CELF2: variants seen among roughly 807,000 people sequenced by gnomAD.
CELF2 encodes CUGBP Elav-like family member 2, also known as CUG triplet repeat RNA-binding protein 2.
In CELF2, 8 loss-of-function variants were observed where a neutral mutation model predicts 62.6. The observed-to-expected ratio is 0.13, with a 90% confidence interval of 0.07 to 0.23. The LOEUF (loss-of-function observed/expected upper bound fraction) is 0.23, where lower values mean the gene tolerates loss of function less well. CELF2 is among the 10% of genes least tolerant of loss of function. The pLI is 1.00. For synonymous variants in CELF2, 258 were observed against 250.0 expected, an observed-to-expected ratio of 1.03 and a Z score of -0.30; for missense variants, 333 against 671.0, an observed-to-expected ratio of 0.50 and a Z score of 5.56.
intron 8 of CELF2, among the ~76,000 whole-genome samples, chr10:11,283,902 GACTGTGTGGTAGGTGGATGATGGA>G (rs1565756988): frequency 4.1e-3 from 606 of 146,910 alleles, no homozygotes; most frequent in Admixed American, 4.7e-3. Context: ...GATGATGGAT[GACTGTGTGGTAGGTGGATGATGGA>G]TGAGTGTGTG....
chr10:10,565,663 T>G, the CELF2 span, among the ~76,000 whole-genome samples: 1 of 152,232 alleles, frequency 6.6e-6, no homozygotes, highest in East Asian at 1.9e-4. Context: ...AGACTTTGTG[T>G]GTGTTCCTTA....
intron 2 of CELF2, among the ~76,000 whole-genome samples, chr10:10,985,878 T>C (rs1441215535): frequency 1.3e-5 from 2 of 152,212 alleles, no homozygotes; most frequent in East Asian, 3.8e-4. Flanking sequence ...TGACAGGCAT[T>C]GGAGTCACCC....
At chr10:10,908,213 G>GGTTTTTTT (rs1564802363) in intron 1 of CELF2, among the ~76,000 whole-genome samples, 3 of 26,536 alleles carry the variant, frequency 1.1e-4, no homozygotes, top group Non-Finnish European at 2.0e-4. Context: ...TGTATGAGGG[G>GGTTTTTTT]ATTTTTTTTT....
At chr10:10,565,508 C>CCTAAGCAGATGTGTTGGA in the CELF2 span, among the ~76,000 whole-genome samples, 1 of 152,140 alleles carries the variant, frequency 6.6e-6, no homozygotes, top group Non-Finnish European at 1.5e-5. Context: ...TCTGTCTAGC[C>CCTAAGCAGATGTGTTGGA]CTAAGCAGAT....
chr10:11,319,784 C>G lies in CELF2; in HGVS notation c.1097-1405C>G, dbSNP rs61101858. 2.1e-6 allele frequency: 1 copy of G among 471,018 alleles called. No individual in the cohort carries two copies. The highest frequency in any genetic ancestry group is 2.3e-5 in the Admixed American group (1 of 42,576). 29.2% of individuals were successfully genotyped at this position (471,018 alleles called of 1,614,324 possible). On this transcript the variant is annotated intron_variant, in intron 10 of 12. Coordinates refer to ENST00000633077, the MANE Select transcript of CELF2 (RefSeq NM_001326342.2). The surrounding 1 kb of genome is among the most constrained non-coding windows in gnomAD (Gnocchi z 4.4). ...TCCACTGTTAAGCTATAGCCTAATT[C>G]ATATCTTACATGTGTCCTTTTAATT...
intron 1 of CELF2, among the ~76,000 whole-genome samples, chr10:10,873,419 G>A (rs12266442): frequency 0.032 from 4,874 of 152,252 alleles, 148 homozygotes; most frequent in African/African-American, 0.073. Context: ...TTAATTGGTT[G>A]CCTTTGCTTT....
chr10:10,735,551 G>T, the CELF2 span, among the ~76,000 whole-genome samples: 2 of 152,122 alleles, frequency 1.3e-5, no homozygotes, highest in African/African-American at 4.8e-5. Context: ...AGAAACAAAA[G>T]GAATAAATTT....
In CELF2 at chr10:11,165,868, C is replaced by T. The variant is rs961053249; in HGVS notation, c.271+186C>T. Among the ~76,000 whole-genome samples the T allele has an allele frequency of 6.6e-6, 1 of 152,208 alleles. No homozygotes were observed. Among genetic ancestry groups the T allele is most frequent in the African/African-American group, 2.4e-5 (1 of 41,456 alleles). On this transcript the variant is annotated intron_variant, in intron 2 of 12. Transcript: ENST00000633077. The surrounding 1 kb of genome is among the most constrained non-coding windows in gnomAD (Gnocchi z 7.4). Reference sequence around the variant, plus strand: ...CTCCCCGCACCCCCGCCCGCCTGCCCGCCGGGACAGGTTGGAGGCGGGAGA... The same window carrying T: ...CTCCCCGCACCCCCGCCCGCCTGCCTGCCGGGACAGGTTGGAGGCGGGAGA...
the CELF2 span, among the ~76,000 whole-genome samples, chr10:10,593,003 A>G: frequency 6.6e-6 from 1 of 152,210 alleles, no homozygotes; most frequent in African/African-American, 2.4e-5. Context: ...ACCAAGTAGC[A>G]AAGGATGAGT....
Position 11,285,879 on chromosome 10 carries a change from T to TGTGTGTGTGTGTGTG in CELF2, c.842-2539_842-2538insGTGTGTGTGTGTGTG, listed in dbSNP as rs1385996500. On this transcript the variant is annotated intron_variant, in intron 8 of 12. Coordinates refer to ENST00000633077, the MANE Select transcript of CELF2 (RefSeq NM_001326342.2). This position sits in a 1 kb window ranked among gnomAD's most constrained non-coding sequence, Gnocchi z 4.3. ...TGTGTGTGTGTGTGTGTGTGTGTGT[T>TGTGTGTGTGTGTGTG]TTTACATGGACTTGAAAATGAGTAA... is the stretch of plus-strand genomic sequence containing the variant. 2.1e-4 allele frequency among the ~76,000 whole-genome samples: 23 copies of TGTGTGTGTGTGTGTG among 108,064 alleles called. No individual in the cohort carries two copies. The highest frequency in any genetic ancestry group is 9.7e-4 in the African/African-American group (19 of 19,606). The allele number at this position is 108,064 out of a possible 152,430, so 70.9% of individuals were successfully genotyped here.
At chr10:10,790,130 C>T in the CELF2 span, among the ~76,000 whole-genome samples, 1 of 152,088 alleles carries the variant, frequency 6.6e-6, no homozygotes, top group Non-Finnish European at 1.5e-5. Flanking sequence ...TTTACCTCCA[C>T]AGCGTTCTTG....
At chr10:10,927,354 A>AAAAAAAAC (rs2065609368) in intron 2 of CELF2, 1 of 148,220 alleles carries the variant, frequency 6.7e-6, no homozygotes, top group African/African-American at 2.6e-5. Context: ...ATTAAAAAAA[A>AAAAAAAAC]AAAAAAAAAA....
chr10:11,052,700 T>C (rs2064194972), intron 1 of CELF2, among the ~76,000 whole-genome samples: 1 of 152,244 alleles, frequency 6.6e-6, no homozygotes, highest in Non-Finnish European at 1.5e-5. Context: ...TGGTATCCTT[T>C]ACAACGAAAG....
the CELF2 span, among the ~76,000 whole-genome samples, chr10:10,626,028 A>G: frequency 1.3e-5 from 2 of 152,250 alleles, no homozygotes; most frequent in East Asian, 1.9e-4. Flanking sequence ...CGGACTTGCA[A>G]TGTGAAGAAT....
At chr10:10,504,737 A>G in the CELF2 span, among the ~76,000 whole-genome samples, 2 of 150,976 alleles carry the variant, frequency 1.3e-5, no homozygotes, top group East Asian at 3.9e-4. Context: ...TTCTTTTTTC[A>G]GTGTATTTCT....
the CELF2 span, among the ~76,000 whole-genome samples, chr10:10,586,416 G>A: frequency 3.9e-5 from 6 of 152,102 alleles, no homozygotes; most frequent in Admixed American, 2.6e-4. Flanking sequence ...TTGCATTTGC[G>A]TGCTCTTCTG....
chr10:10,964,122 T>G (rs1325681880), intron 2 of CELF2, among the ~76,000 whole-genome samples: 1 of 152,198 alleles, frequency 6.6e-6, no homozygotes. Context: ...ACTATTAAGA[T>G]AACACTATTT....
At chr10:10,570,752 G>A in the CELF2 span, among the ~76,000 whole-genome samples, 11 of 152,196 alleles carry the variant, frequency 7.2e-5, no homozygotes, top group East Asian at 3.9e-4. Flanking sequence ...TGATAACAAC[G>A]TTAAAAGCAT....
chr10:10,957,825 A>T lies in CELF2; in HGVS notation c.89+37826A>T, dbSNP rs907597080. 6.6e-6 allele frequency among the ~76,000 whole-genome samples: 1 copy of T among 152,190 alleles called. No homozygotes were observed. The highest frequency in any genetic ancestry group is 1.9e-4 in the East Asian group (1 of 5,194). On this transcript the variant is annotated intron_variant, in intron 2 of 13. Transcript: ENST00000636488. This position sits in a 1 kb window ranked among gnomAD's most constrained non-coding sequence, Gnocchi z 4.1. Reference sequence around the variant, plus strand: ...TTTCCCCATCTTCCTAATTGGGATCACATTCTCTGCTAAGTCTTCTTCTCA... The same window carrying T: ...TTTCCCCATCTTCCTAATTGGGATCTCATTCTCTGCTAAGTCTTCTTCTCA...
Sources: allele counts gnomAD v4.1 joint callset (sites outside exome capture counted in the v4.1 genomes callset), GRCh38; gene constraint gnomAD v4.1.1; non-coding constraint Gnocchi (gnomAD v3.1); transcripts MANE v1.5; gene names NCBI Gene and HGNC (gene_info 2026-07-23, HGNC 2026-07-21).